The following RSPH14 variants were observed in gnomAD, a reference collection of about 807,000 sequenced individuals.
RSPH14 encodes the protein rhabdoid tumor deletion region gene 1.
A neutral mutation model predicts 26.7 loss-of-function variants in RSPH14; 20 were observed. That is an observed-to-expected ratio of 0.75 (90% CI 0.53 to 1.09). The LOEUF (loss-of-function observed/expected upper bound fraction) is 1.09, where lower values mean the gene tolerates loss of function less well. Among genes scored for constraint, RSPH14 ranks in the 50% least tolerant of loss-of-function variants. The pLI, the probability that RSPH14 is intolerant of heterozygous loss-of-function variation, is 0.00. For synonymous variants in RSPH14, 177 were observed against 189.3 expected (o/e 0.93, Z 0.53); for missense variants, 449 against 457.2 (o/e 0.98, Z 0.16).
intron 4 of RSPH14, among the ~76,000 whole-genome samples, chr22:23,127,401 G>T (rs2070210957): frequency 6.6e-6 from 1 of 152,256 alleles, no homozygotes; most frequent in Non-Finnish European, 1.5e-5. Context: ...GTCAGGCTGA[G>T]GATGTGCCTG....
chr22:23,108,549 G>A (rs2069551212), intron 4 of RSPH14, among the ~76,000 whole-genome samples: 1 of 152,230 alleles, frequency 6.6e-6, no homozygotes. Flanking sequence ...TTTGCACAGG[G>A]GGCAACCCCA....
chr22:23,081,353 A>G (rs925179437), intron 4 of RSPH14, among the ~76,000 whole-genome samples: 4 of 152,206 alleles, frequency 2.6e-5, no homozygotes, highest in Admixed American at 6.5e-5. Flanking sequence ...TGACAGATAT[A>G]TGAATGTATG....
chr22:23,161,411 C>A, the RSPH14 span: 1 of 1,197,558 alleles, frequency 8.4e-7, no homozygotes, highest in Non-Finnish European at 1.2e-6. Flanking sequence ...CTTCAGCTCA[C>A]AGCTCTGACT....
intron 4 of RSPH14, among the ~76,000 whole-genome samples, chr22:23,082,824 C>T (rs993645378): frequency 2.0e-5 from 3 of 152,130 alleles, no homozygotes; most frequent in African/African-American, 7.2e-5. Context: ...GCCTGAGGAC[C>T]AGGAGATGCT....
At chr22:23,062,346 G>A (rs908050738) in intron 5 of RSPH14, among the ~76,000 whole-genome samples, 92 of 152,226 alleles carry the variant, frequency 6.0e-4, no homozygotes, top group Admixed American at 6.0e-3. Context: ...CAGCTGCCGG[G>A]CACTGGGCAA....
At chr22:23,088,223 A>G (rs6519411) in intron 4 of RSPH14, among the ~76,000 whole-genome samples, 53,168 of 152,060 alleles carry the variant, frequency 0.35, 10,252 homozygotes, top group African/African-American at 0.52. Flanking sequence ...TATATGAACC[A>G]TCTACACGCC....
chr22:23,144,786 T>C (rs1477213043), upstream of RSPH14, among the ~76,000 whole-genome samples: 1 of 152,110 alleles, frequency 6.6e-6, no homozygotes, highest in African/African-American at 2.4e-5. Context: ...GGCTTCCATA[T>C]TGTGATGCAG....
At chr22:23,092,367 G>T (rs573821215) in intron 4 of RSPH14, among the ~76,000 whole-genome samples, 1 of 152,242 alleles carries the variant, frequency 6.6e-6, no homozygotes, top group South Asian at 2.1e-4. Flanking sequence ...CCCATGCGTG[G>T]TGCCCCTGCA....
At chr22:23,150,268 C>T in the RSPH14 span, 45 of 808,792 alleles carry the variant, frequency 5.6e-5, no homozygotes, top group Middle Eastern at 4.7e-4. Flanking sequence ...CAGCCCTGTA[C>T]AGGCCTGAAG....
At chr22:23,157,911 G>A in the RSPH14 span, 3 of 1,598,284 alleles carry the variant, frequency 1.9e-6, no homozygotes, top group Middle Eastern at 1.7e-4. Flanking sequence ...GCAGTTCCTT[G>A]GGAGCTGGGC....
upstream of RSPH14, chr22:23,142,087 C>T (rs1443889528): frequency 2.1e-6 from 2 of 960,836 alleles, no homozygotes; most frequent in Non-Finnish European, 2.5e-6. Context: ...ACTGCGCAGG[C>T]GCAAACAGCC....
chr22:23,110,175 C>T (rs887526185), intron 4 of RSPH14, among the ~76,000 whole-genome samples: 1 of 152,096 alleles, frequency 6.6e-6, no homozygotes, highest in Non-Finnish European at 1.5e-5. Flanking sequence ...TTCCTTGGGG[C>T]AAGGGTAGTG....
rs532161046 is a variant in RSPH14, at chr22:23,082,040, G to A, written c.422-17907C>T. Among the ~76,000 whole-genome samples the A allele has an allele frequency of 7.6e-5, 11 of 144,994 alleles. No homozygotes were observed. The South Asian group carries it at 2.5e-3, about 33-fold the overall frequency. ...CTTGGGAGGCTGAGGCAGGAGAATG[G>A]CATGAACCCAGGACGCGGAGCTTGC... On this transcript the variant is annotated intron_variant, in intron 4 of 6. Transcript: ENST00000216036.
intron 4 of RSPH14, chr22:23,125,187 T>C (rs1205550824): frequency 2.0e-5 from 3 of 152,194 alleles, no homozygotes; most frequent in East Asian, 3.9e-4. Context: ...CATTTTGCAA[T>C]GAACATCACA....
At chr22:23,087,999 G>A (rs990732490) in intron 4 of RSPH14, among the ~76,000 whole-genome samples, 20 of 152,334 alleles carry the variant, frequency 1.3e-4, no homozygotes, top group Middle Eastern at 3.4e-3. Context: ...TGCTTTGGGA[G>A]AGGGCTGTTA....
the RSPH14 span, chr22:23,157,855 T>G: frequency 6.5e-7 from 1 of 1,545,708 alleles, no homozygotes; most frequent in Non-Finnish European, 8.7e-7. Context: ...TCAGCCTTCA[T>G]TGTAGGAGGT....
Position 23,134,090 on chromosome 22 carries a change from G to A in RSPH14, c.357C>T (p.Asp119=), listed in dbSNP as rs755429579. 5.3e-5 allele frequency: 85 copies of A among 1,613,656 alleles called. No individual in the cohort carries two copies. The highest frequency in any genetic ancestry group is 7.0e-5 in the Non-Finnish European group (83 of 1,179,706). ...GGTTCCCCCGGCAGACTGGGCTGGG[G>A]TCATTCAGCAGGAAGGACAGGGCAA... ...IVLALSFLLN[D]PSPVCRGNLY... is the part of the protein sequence containing the mutation. The change falls in exon 4 of 7, where the codon GAC becomes GAT. Residue 119 remains aspartate, a synonymous_variant. Transcript: ENST00000216036.
chr22:23,179,860 T>C, the RSPH14 span: 10 of 217,680 alleles, frequency 4.6e-5, no homozygotes, highest in Non-Finnish European at 9.0e-5. Context: ...GGGTGGTCCC[T>C]AGTGTGCCCA....
At chr22:23,108,554 A>G (rs527293973) in intron 4 of RSPH14, among the ~76,000 whole-genome samples, 1 of 152,334 alleles carries the variant, frequency 6.6e-6, no homozygotes, top group Non-Finnish European at 1.5e-5. Context: ...ACAGGGGGCA[A>G]CCCCAGAGCA....
Sources: allele counts gnomAD v4.1 joint callset (sites outside exome capture counted in the v4.1 genomes callset), GRCh38; gene constraint gnomAD v4.1.1; transcripts MANE v1.5; gene names NCBI Gene and HGNC (gene_info 2026-07-23, HGNC 2026-07-21).